Variants in GFI1B observed in about 807,000 individuals in gnomAD.
GFI1B encodes the protein zinc finger protein Gfi-1b.
Under a neutral mutation model 35.3 loss-of-function variants are expected in GFI1B, and 20 were observed. That is an observed-to-expected ratio of 0.57 (90% CI 0.40 to 0.82). GFI1B has a LOEUF of 0.82. GFI1B is among the 40% of genes least tolerant of loss of function. GFI1B has a pLI of 0.00. For synonymous variants in GFI1B, 178 were observed against 177.6 expected (o/e 1.00, Z -0.02); for missense variants, 430 against 446.3 (o/e 0.96, Z 0.33).
At chr9:132,957,252 C>G (rs1848296229) in intron 1 of GFI1B, among the ~76,000 whole-genome samples, 1 of 152,214 alleles carries the variant, frequency 6.6e-6, no homozygotes, top group African/African-American at 2.4e-5. Context: ...ACACCTTTCT[C>G]TAACGGCTGC....
rs138497461 is a variant in GFI1B, at chr9:132,979,598, A to G, written c.-21+757A>G. On this transcript the variant is annotated intron_variant, in intron 1 of 6. Coordinates refer to ENST00000372122, the MANE Select transcript of GFI1B (RefSeq NM_001377304.1). ...CCCCTCCAGAGCCTACTAAGGGGAG[A>G]TGACAGGGCTGCCCTCTCCCACACA... 2.1e-3 allele frequency among the ~76,000 whole-genome samples: 318 copies of G among 152,196 alleles called. 1 individual carries two copies. The highest frequency in any genetic ancestry group is 7.3e-3 in the African/African-American group (302 of 41,516).
rs369625785 is a variant in GFI1B, at chr9:132,954,780, G to A, written c.-701+9111G>A. On this transcript the variant is annotated intron_variant, in intron 1 of 10. Coordinates refer to the GFI1B transcript ENST00000339463. ...GTTGCCCAGGCTGGAGTACAGTGGC[G>A]CAATCTCGACTCACTGCAACCTCCT... is the stretch of plus-strand genomic sequence containing the variant. Among the ~76,000 whole-genome samples the A allele has an allele frequency of 7.3e-5, 11 of 151,072 alleles. No individual in the cohort carries two copies. The East Asian group carries it at 1.8e-3, about 25-fold the overall frequency.
intron 1 of GFI1B, among the ~76,000 whole-genome samples, chr9:132,967,160 C>A (rs1054845088): frequency 6.6e-6 from 1 of 152,166 alleles, no homozygotes; most frequent in African/African-American, 2.4e-5. Context: ...GCTTGCCTGC[C>A]CTTCTGCCTT....
chr9:132,971,271 T>C (rs1848528368), intron 1 of GFI1B, among the ~76,000 whole-genome samples: 1 of 152,330 alleles, frequency 6.6e-6, no homozygotes, highest in East Asian at 1.9e-4. Context: ...GCCTGTGGCC[T>C]GAACGCTGTC....
intron 3 of GFI1B, 110 bp from the exon 4 acceptor site, chr9:132,988,087 C>A (rs937461457): frequency 4.2e-6 from 4 of 949,628 alleles, no homozygotes; most frequent in Non-Finnish European, 6.8e-6. Flanking sequence ...CTCAAGTGAC[C>A]CACTTGCCTC....
chr9:132,961,016 C>T (rs986240863), intron 1 of GFI1B, among the ~76,000 whole-genome samples: 6 of 152,050 alleles, frequency 3.9e-5, no homozygotes, highest in Non-Finnish European at 5.9e-5. Flanking sequence ...ATTTTAGCTG[C>T]GCCTCCCCTG....
rs534993583 is a variant in GFI1B, at chr9:132,979,589, T to G, written c.-21+748T>G. ...AGGCGCTCTCCCCTCCAGAGCCTAC[T>G]AAGGGGAGATGACAGGGCTGCCCTC... is the stretch of plus-strand genomic sequence containing the variant. On this transcript the variant is annotated intron_variant, in intron 1 of 6. Transcript: ENST00000372122. 1.2e-3 allele frequency among the ~76,000 whole-genome samples: 190 copies of G among 152,226 alleles called. 1 individual carries two copies. Among genetic ancestry groups the G allele is most frequent in the African/African-American group, 4.3e-3 (177 of 41,544 alleles).
intron 1 of GFI1B, among the ~76,000 whole-genome samples, chr9:132,958,770 G>A (rs1479231842): frequency 2.6e-5 from 4 of 152,312 alleles, no homozygotes; most frequent in South Asian, 2.1e-4. Flanking sequence ...GCTAGAGAAC[G>A]TGGGCTGATG....
intron 1 of GFI1B, among the ~76,000 whole-genome samples, chr9:132,950,118 A>G (rs996964994): frequency 6.6e-6 from 1 of 151,996 alleles, no homozygotes; most frequent in Non-Finnish European, 1.5e-5. Flanking sequence ...TCTCTAAAAA[A>G]TAAAAATAAC....
chr9:132,986,646 C>T lies in GFI1B; in HGVS notation c.-20-13C>T, dbSNP rs1274555754. 1 of 1,370,050 alleles carries T rather than the reference C, an allele frequency of 7.3e-7. No individual in the cohort carries two copies. Among genetic ancestry groups the T allele is most frequent in the Non-Finnish European group, 1.0e-6 (1 of 966,266 alleles). The allele number at this position is 1,370,050 out of a possible 1,614,324, so 84.9% of individuals were successfully genotyped here. ...TTGTCCTTCCTAACCGCTCCCATCC[C>T]TCCCCCTTGCAGGTGTGGGGTGCAC... On this transcript the variant is annotated splice_polypyrimidine_tract_variant and intron_variant, in intron 1 of 6. Coordinates refer to ENST00000372122, the MANE Select transcript of GFI1B (RefSeq NM_001377304.1).
intron 1 of GFI1B, chr9:132,951,896 T>C (rs1848208799): frequency 6.6e-6 from 1 of 152,144 alleles, no homozygotes; most frequent in African/African-American, 2.4e-5. Flanking sequence ...GCCTCCTGAG[T>C]AGCTGGGACT....
intron 1 of GFI1B, among the ~76,000 whole-genome samples, chr9:132,946,243 G>C (rs1848095074): frequency 2.6e-5 from 4 of 152,148 alleles, no homozygotes; most frequent in Admixed American, 2.0e-4. Context: ...GATTCAAACA[G>C]ACCAGAGTTT....
rs1360336208 is a variant in GFI1B, at chr9:132,989,995, TG to T, written c.814+93del. 6.8e-6 allele frequency: 8 copies of T among 1,182,722 alleles called. No homozygotes were observed. The highest frequency in any genetic ancestry group is 9.8e-6 in the Non-Finnish European group (8 of 814,164). 73.3% of individuals were successfully genotyped at this position (1,182,722 alleles called of 1,614,324 possible). Reference sequence around the variant, plus strand: ...GCATCAGAGGCCCCCAGCGTGAGGCTGGGGGCGGGGTCTAGTTACAAAGTCA... The same window carrying T: ...GCATCAGAGGCCCCCAGCGTGAGGCTGGGGCGGGGTCTAGTTACAAAGTCA... On this transcript the variant is annotated intron_variant, in intron 6 of 6. Coordinates refer to ENST00000372122, the MANE Select transcript of GFI1B (RefSeq NM_001377304.1). This position sits in a 1 kb window ranked among gnomAD's most constrained non-coding sequence, Gnocchi z 6.2.
rs781522860 is a variant in GFI1B at position 132,989,203 on chromosome 9, G to A, written c.648+5G>A. Reference sequence around the variant, plus strand: ...CACACGCACGTCCACTCCCAGGTGGGCACCTGGCCCAGCGCAGGACTCCCA... The same window carrying A: ...CACACGCACGTCCACTCCCAGGTGGACACCTGGCCCAGCGCAGGACTCCCA... On this transcript the variant is annotated splice_donor_5th_base_variant and intron_variant, in intron 5 of 6. Coordinates refer to ENST00000372122, the MANE Select transcript of GFI1B (RefSeq NM_001377304.1). The surrounding 1 kb of genome is among the most constrained non-coding windows in gnomAD (Gnocchi z 6.2). 5.6e-6 allele frequency: 9 copies of A among 1,610,824 alleles called. No individual in the cohort carries two copies. Among genetic ancestry groups the A allele is most frequent in the Non-Finnish European group, 6.8e-6 (8 of 1,178,446 alleles).
At chr9:132,977,562 G>A (rs766248095), upstream of GFI1B, among the ~76,000 whole-genome samples, 46 of 152,192 alleles carry the variant, frequency 3.0e-4, no homozygotes, top group Non-Finnish European at 5.9e-4. Flanking sequence ...GGCTGGAAGA[G>A]CAGACAAAGC....
chr9:132,964,805 T>C (rs1414665933), intron 1 of GFI1B, among the ~76,000 whole-genome samples: 1 of 147,234 alleles, frequency 6.8e-6, no homozygotes, highest in Admixed American at 7.1e-5. Flanking sequence ...AGTGGCGTGA[T>C]CTCGGCTCAT....
intron 1 of GFI1B, chr9:132,949,900 G>C (rs1399920154): frequency 1.3e-5 from 2 of 152,974 alleles, no homozygotes; most frequent in Non-Finnish European, 2.9e-5. Context: ...GATTGCCTGG[G>C]GCCGGGAGTT....
At position 132,990,932 on chromosome 9, in the gene GFI1B, T is replaced by C; in HGVS notation, c.875T>C (p.Ile292Thr). The C allele has an allele frequency of 1.2e-6, 2 of 1,614,204 alleles. No individual in the cohort carries two copies. Among genetic ancestry groups the C allele is most frequent in the Non-Finnish European group, 8.5e-7 (1 of 1,180,014 alleles). The change falls in exon 7 of 7, where the codon ATC (isoleucine) becomes ACC (threonine). Residue 292 changes from isoleucine to threonine, a missense_variant. By Grantham distance (89) the Ile-to-Thr change is moderately conservative. Transcript: ENST00000372122. Reference protein sequence around the residue: ...GKAFSQSSNLITHSRKHTGFK... With the variant: ...GKAFSQSSNLTTHSRKHTGFK... ...GCCTTCAGCCAGAGCTCCAACCTCA[T>C]CACCCACAGCCGCAAGCACACAGGC...
Position 132,991,076 on chromosome 9 carries a change from C to A in GFI1B, c.*26C>A, listed in dbSNP as rs1268765739. On this transcript the variant is annotated 3_prime_UTR_variant, in exon 7 of 7. Coordinates refer to ENST00000372122, the MANE Select transcript of GFI1B (RefSeq NM_001377304.1). ...GGCTGCGCCGGCTCCCAGCTCCTGG[C>A]CAGCCTGCCCTGCGGTCCTGTCACC... 3 of 1,605,502 alleles carry A rather than the reference C, an allele frequency of 1.9e-6. No homozygotes were observed. The South Asian group carries it at 3.3e-5, about 18-fold the overall frequency.
Sources: allele counts gnomAD v4.1 joint callset (sites outside exome capture counted in the v4.1 genomes callset), GRCh38; gene constraint gnomAD v4.1.1; non-coding constraint Gnocchi (gnomAD v3.1); transcripts MANE v1.5; gene names NCBI Gene and HGNC (gene_info 2026-07-23, HGNC 2026-07-21).